The following ELMO1 variants were observed in gnomAD, a reference collection of about 807,000 sequenced individuals.
The protein encoded by ELMO1 is engulfment and cell motility protein 1.
A neutral mutation model predicts 98.9 loss-of-function variants in ELMO1; 26 were observed. The observed-to-expected ratio is 0.26, with a 90% CI of 0.19 to 0.36. The LOEUF is 0.36. ELMO1 is among the 10% of genes least tolerant of loss of function. ELMO1 has a pLI of 1.00. For synonymous variants in ELMO1, 346 were observed against 346.0 expected (o/e 1.00, Z 0.00); for missense variants, 627 against 935.2 (o/e 0.67, Z 4.30).
chr7:36,967,741 G>A (rs750957088), intron 16 of ELMO1, among the ~76,000 whole-genome samples: 14 of 152,266 alleles, frequency 9.2e-5, no homozygotes, highest in Admixed American at 2.6e-4. Flanking sequence ...ATGGAAACAC[G>A]AAATAAAAAA....
At chr7:37,099,757 C>A (rs1784542216) in intron 14 of ELMO1, among the ~76,000 whole-genome samples, 1 of 152,058 alleles carries the variant, frequency 6.6e-6, no homozygotes, top group Admixed American at 6.6e-5. Flanking sequence ...TTATTAGTCT[C>A]TTAAGAATGC....
intron 15 of ELMO1, among the ~76,000 whole-genome samples, chr7:37,093,562 A>C (rs1784230084): frequency 1.3e-5 from 2 of 152,236 alleles, no homozygotes; most frequent in Non-Finnish European, 1.5e-5. Flanking sequence ...TTGTGTGTAA[A>C]TCTAATTTTC....
chr7:36,887,729 G>T (rs1331187456), intron 17 of ELMO1, 57 bp from the exon 18 acceptor site: 1 of 1,538,800 alleles, frequency 6.5e-7, no homozygotes, highest in Non-Finnish European at 9.0e-7. Context: ...AGTGTGGCTT[G>T]GTGGGCATCA....
chr7:37,185,503 C>A (rs1044242320), intron 13 of ELMO1, among the ~76,000 whole-genome samples: 6 of 152,060 alleles, frequency 3.9e-5, no homozygotes, highest in African/African-American at 1.4e-4. Context: ...GCATGGTAAA[C>A]CCACTCAGAT....
At chr7:37,017,498 T>C (rs57777987) in intron 15 of ELMO1, among the ~76,000 whole-genome samples, 3,823 of 152,232 alleles carry the variant, frequency 0.025, 152 homozygotes, top group African/African-American at 0.088. Flanking sequence ...AAATAATAGA[T>C]AAGTGAAAAC....
intron 13 of ELMO1, among the ~76,000 whole-genome samples, chr7:37,182,561 CTT>C (rs1379374746): frequency 2.9e-5 from 4 of 139,104 alleles, no homozygotes; most frequent in Admixed American, 1.6e-4. Flanking sequence ...TTCTTTCTCT[CTT>C]TCTCTCTCTC....
intron 4 of ELMO1, among the ~76,000 whole-genome samples, chr7:37,302,234 C>A (rs566337554): frequency 1.3e-5 from 2 of 152,308 alleles, no homozygotes; most frequent in East Asian, 1.9e-4. Flanking sequence ...CAGTTCAACA[C>A]AGCCTGCAGA....
chr7:37,192,970 G>GATATAT (rs374892700), intron 13 of ELMO1, among the ~76,000 whole-genome samples: 3 of 40,096 alleles, frequency 7.5e-5, no homozygotes, highest in Admixed American at 3.9e-4. Flanking sequence ...ATATATAGGA[G>GATATAT]ATATATATAT....
At chr7:37,153,398 G>C (rs576855763) in intron 13 of ELMO1, among the ~76,000 whole-genome samples, 1 of 152,294 alleles carries the variant, frequency 6.6e-6, no homozygotes, top group Non-Finnish European at 1.5e-5. Flanking sequence ...GAAGCTATGA[G>C]TGACTCTACC....
intron 13 of ELMO1, among the ~76,000 whole-genome samples, chr7:37,172,146 A>T (rs982399291): frequency 3.3e-5 from 5 of 152,072 alleles, no homozygotes; most frequent in Non-Finnish European, 7.4e-5. Context: ...GAGTGAGTAC[A>T]CTCTCTGGAG....
chr7:36,952,301 C>A (rs771294938), intron 16 of ELMO1, among the ~76,000 whole-genome samples: 2 of 152,176 alleles, frequency 1.3e-5, no homozygotes, highest in Admixed American at 6.5e-5. Flanking sequence ...TCTTAGTGAT[C>A]TTTCTCTGTA....
chr7:37,188,487 T>TTAAAAAAAAA (rs1318399531), intron 13 of ELMO1, among the ~76,000 whole-genome samples: 5 of 32,046 alleles, frequency 1.6e-4, no homozygotes, highest in Non-Finnish European at 3.7e-4. Context: ...TGGAGAAAGG[T>TTAAAAAAAAA]AAAAAAAAAA....
At chr7:37,135,858 T>C (rs1215217376) in intron 13 of ELMO1, among the ~76,000 whole-genome samples, 1 of 152,188 alleles carries the variant, frequency 6.6e-6, no homozygotes, top group Non-Finnish European at 1.5e-5. Context: ...TAACCAGCAA[T>C]GGATCCAAAC....
intron 4 of ELMO1, among the ~76,000 whole-genome samples, chr7:37,279,606 G>C (rs570787056): frequency 2.6e-5 from 4 of 152,150 alleles, no homozygotes; most frequent in Non-Finnish European, 5.9e-5. Context: ...AGAAGTTTCC[G>C]ACCTTACCTG....
intron 1 of ELMO1, among the ~76,000 whole-genome samples, chr7:37,416,843 A>G (rs1804236811): frequency 6.6e-6 from 1 of 152,208 alleles, no homozygotes; most frequent in African/African-American, 2.4e-5. Context: ...TGTAAGCAAA[A>G]TTTGTGTGCA....
At chr7:36,860,248 G>A (rs1280550630) in intron 21 of ELMO1, among the ~76,000 whole-genome samples, 1 of 152,122 alleles carries the variant, frequency 6.6e-6, no homozygotes, top group East Asian at 1.9e-4. Flanking sequence ...TCAACTGTGT[G>A]GGGGGTTTGG....
intron 13 of ELMO1, among the ~76,000 whole-genome samples, chr7:37,176,875 G>A (rs150752835): frequency 2.4e-4 from 36 of 152,316 alleles, no homozygotes; most frequent in African/African-American, 7.0e-4. Flanking sequence ...GCTTTTAGAC[G>A]ACTATATAAT....
intron 16 of ELMO1, among the ~76,000 whole-genome samples, chr7:36,916,216 G>A (rs989750304): frequency 2.6e-5 from 4 of 152,124 alleles, no homozygotes; most frequent in Non-Finnish European, 5.9e-5. Flanking sequence ...TAATTCTTTT[G>A]GTGTTAACTT....
intron 13 of ELMO1, among the ~76,000 whole-genome samples, chr7:37,169,762 C>G (rs1258296847): frequency 6.6e-6 from 1 of 152,172 alleles, no homozygotes; most frequent in African/African-American, 2.4e-5. Flanking sequence ...AATCATCACA[C>G]TTAGGAACCA....
Sources: gnomAD v4.1 joint callset for allele counts (sites outside exome capture counted in the v4.1 genomes callset) on GRCh38, gnomAD v4.1.1 for gene constraint, MANE v1.5 for transcripts, NCBI Gene and HGNC (gene_info 2026-07-23, HGNC 2026-07-21) for gene names.